VWA5B1: variants seen among roughly 807,000 people sequenced by gnomAD.
VWA5B1 encodes von Willebrand factor A domain containing 5B1.
Under a neutral mutation model 118.2 loss-of-function variants are expected in VWA5B1, and 115 were observed. The observed-to-expected ratio is 0.97, with a 90% CI of 0.84 to 1.14. The LOEUF (loss-of-function observed/expected upper bound fraction) is 1.14, where lower values mean the gene tolerates loss of function less well. VWA5B1 is among the 50% of genes most tolerant of loss of function. The pLI, the probability that VWA5B1 is intolerant of heterozygous loss-of-function variation, is 0.00. For missense variants in VWA5B1, 1,596 were observed against 1,603.8 expected, an observed-to-expected ratio of 1.00 and a Z score of 0.08; for synonymous variants, 682 against 658.4, an observed-to-expected ratio of 1.04 and a Z score of -0.55.
intron 8 of VWA5B1, 103 bp downstream of exon 8, chr1:20,323,635 C>T: frequency 1.6e-6 from 2 of 1,221,446 alleles, no homozygotes; most frequent in Non-Finnish European, 2.1e-6. Flanking sequence ...CAAGAAACAA[C>T]TTTTAAAAAT....
chr1:20,307,867 A>AT (rs140283307), intron 1 of VWA5B1, among the ~76,000 whole-genome samples: 2,073 of 145,356 alleles, frequency 0.014, 48 homozygotes, highest in African/African-American at 0.048. Context: ...ATGTGTGTGT[A>AT]TTTTTTTTAA....
intron 7 of VWA5B1, 128 bp downstream of exon 7, chr1:20,319,634 C>G: frequency 7.3e-6 from 10 of 1,376,942 alleles, no homozygotes; most frequent in Non-Finnish European, 9.8e-6. Flanking sequence ...GAGGCAGACA[C>G]CAGGCAAGAA....
At chr1:20,297,611 G>A (rs2100798820) in intron 1 of VWA5B1, among the ~76,000 whole-genome samples, 1 of 152,332 alleles carries the variant, frequency 6.6e-6, no homozygotes, top group East Asian at 1.9e-4. Flanking sequence ...TAGGAAATAG[G>A]GGAGAAAGGA....
chr1:20,342,522 CA>C lies in VWA5B1; in HGVS notation c.2225del (p.Gln742ArgfsTer16). 6.5e-7 allele frequency: 1 copy of C among 1,550,194 alleles called. No homozygotes were observed. The highest frequency in any genetic ancestry group is 1.2e-5 in the South Asian group (1 of 83,864). On this transcript the variant is annotated frameshift_variant, in exon 15 of 22. Coordinates refer to ENST00000289815, the MANE Select transcript of VWA5B1 (RefSeq NM_001039500.3). LOFTEE classifies it high-confidence loss of function. ...GCCCTCTCTGCTGCCCCAAGGCTGC[CA>C]GCCCTTCCTGCCCTGGGGCCAGGAG... is the stretch of plus-strand genomic sequence containing the variant. The part of the protein sequence containing the change: ...RRPSLLPQGC[Q>X]PFLPWGQETQ...
At chr1:20,302,502 T>C (rs1396328976) in intron 1 of VWA5B1, among the ~76,000 whole-genome samples, 1 of 152,094 alleles carries the variant, frequency 6.6e-6, no homozygotes, top group Non-Finnish European at 1.5e-5. Context: ...CTGCCTCAAG[T>C]TCTGGGGGCT....
rs1482874890 is a variant in VWA5B1 at position 20,355,194 on chromosome 1, G to A, written c.*931G>A. The stretch of plus-strand genomic sequence containing the variant: ...CCAAGTAGGTCGCACCATGGGATCA[G>A]GGGGTCCTCTGGAGCCATGCCACGC... On this transcript the variant is annotated 3_prime_UTR_variant, in exon 22 of 22. Transcript: ENST00000289815. Among the ~76,000 whole-genome samples the A allele has an allele frequency of 6.6e-6, 1 of 152,220 alleles. No homozygotes were observed. Among genetic ancestry groups the A allele is most frequent in the Non-Finnish European group, 1.5e-5 (1 of 68,034 alleles).
chr1:20,336,541 A>C (rs2089723612), intron 13 of VWA5B1, 55 bp downstream of exon 13: 1 of 1,291,620 alleles, frequency 7.7e-7, no homozygotes, highest in Non-Finnish European at 9.9e-7. Context: ...ACTATGTGCT[A>C]AGCACTTGGT....
At chr1:20,312,495 A>G (rs2088877795) in intron 2 of VWA5B1, among the ~76,000 whole-genome samples, 1 of 152,240 alleles carries the variant, frequency 6.6e-6, no homozygotes, top group Non-Finnish European at 1.5e-5. Flanking sequence ...CACAGGTGGC[A>G]AACCTGTGGC....
intron 12 of VWA5B1, among the ~76,000 whole-genome samples, chr1:20,334,583 G>A: frequency 6.6e-6 from 1 of 152,174 alleles, no homozygotes; most frequent in African/African-American, 2.4e-5. Context: ...GGCCGAGGCA[G>A]GTTGATCACC....
In VWA5B1 at chr1:20,355,616, G is replaced by A. The variant is rs558812388; in HGVS notation, c.*1353G>A. ...AGACTTCCCTCGTGGGAAGGCCTTG[G>A]AAGCTTAGCTTATCAAACCAACTCG... On this transcript the variant is annotated 3_prime_UTR_variant, in exon 22 of 22. Transcript: ENST00000289815. Among the ~76,000 whole-genome samples, 5 of 152,354 alleles carry A rather than the reference G, an allele frequency of 3.3e-5. No individual in the cohort carries two copies. The East Asian group carries it at 7.7e-4, about 24-fold the overall frequency.
intron 4 of VWA5B1, among the ~76,000 whole-genome samples, chr1:20,316,650 G>A (rs1461288814): frequency 6.6e-6 from 1 of 152,170 alleles, no homozygotes; most frequent in Non-Finnish European, 1.5e-5. Flanking sequence ...AGAGGGTCCC[G>A]AAACGTGAGT....
intron 1 of VWA5B1, among the ~76,000 whole-genome samples, chr1:20,301,773 C>T (rs1225963317): frequency 6.6e-6 from 1 of 152,198 alleles, no homozygotes; most frequent in Non-Finnish European, 1.5e-5. Flanking sequence ...GCTGGGTGAG[C>T]TCAACTTGCA....
Position 20,336,412 on chromosome 1 carries a change from A to T in VWA5B1, c.1868A>T (p.Asn623Ile). ...PGLEGGDCAK[N>I]SGAPFILGQA... The stretch of plus-strand genomic sequence containing the variant: ...CTGGAAGGTGGAGACTGTGCCAAGA[A>T]CTCGGGGGCACCCTTCATCCTAGGG... Residue 623 changes from asparagine (N) to isoleucine (I), a missense_variant, in exon 13 of 22, where the codon AAC (asparagine) becomes ATC (isoleucine). By Grantham distance (149) the Asn-to-Ile change is moderately radical. Coordinates refer to ENST00000289815, the MANE Select transcript of VWA5B1 (RefSeq NM_001039500.3). The T allele has an allele frequency of 6.6e-7, 1 of 1,522,764 alleles. No individual in the cohort carries two copies. The highest frequency in any genetic ancestry group is 8.8e-7 in the Non-Finnish European group (1 of 1,132,034). The allele number at this position is 1,522,764 out of a possible 1,614,324, so 94.3% of individuals were successfully genotyped here. A position where few individuals can be genotyped will look rare whatever the true frequency, so the allele number is the denominator to read the frequency against.
chr1:20,341,856 T>C (rs368514447), intron 14 of VWA5B1, among the ~76,000 whole-genome samples: 1 of 152,326 alleles, frequency 6.6e-6, no homozygotes. Context: ...CTGATTAAAC[T>C]GCCTGGATTC....
At chr1:20,301,855 G>A (rs890888651) in intron 1 of VWA5B1, among the ~76,000 whole-genome samples, 1 of 152,176 alleles carries the variant, frequency 6.6e-6, no homozygotes. Flanking sequence ...CGATGTGTGG[G>A]TGCATTTCTG....
At chr1:20,326,670 C>G (rs760336520) in intron 8 of VWA5B1, among the ~76,000 whole-genome samples, 4 of 151,992 alleles carry the variant, frequency 2.6e-5, no homozygotes, top group Non-Finnish European at 5.9e-5. Context: ...AGGCTGGTCT[C>G]GAACTCCTGA....
chr1:20,314,564 A>T lies in VWA5B1; in HGVS notation c.535A>T (p.Thr179Ser). Residue 179 changes from threonine (T) to serine (S), a missense_variant, in exon 4 of 22, where the codon ACT becomes TCT. Transcript: ENST00000289815. Reference sequence around the variant, plus strand: ...CGTGCCCCAGTTCTGCACCAAGAGCACTGGCACCTCCAACCAACAGGCCCA... The same window carrying T: ...CGTGCCCCAGTTCTGCACCAAGAGCTCTGGCACCTCCAACCAACAGGCCCA... The part of the protein sequence containing the change: ...PTVPQFCTKS[T>S]GTSNQQAQGK... The T allele has an allele frequency of 6.4e-7, 1 of 1,551,550 alleles. No homozygotes were observed. Among genetic ancestry groups the T allele is most frequent in the Non-Finnish European group, 8.7e-7 (1 of 1,146,992 alleles).
intron 1 of VWA5B1, among the ~76,000 whole-genome samples, chr1:20,291,930 C>CCCGCCG (rs1392767610): frequency 6.6e-6 from 1 of 152,184 alleles, no homozygotes; most frequent in Non-Finnish European, 1.5e-5. Context: ...ACCCCATGCT[C>CCCGCCG]CCGCCGCCGG....
intron 12 of VWA5B1, among the ~76,000 whole-genome samples, chr1:20,335,978 A>G (rs2089704505): frequency 6.6e-6 from 1 of 152,192 alleles, no homozygotes; most frequent in African/African-American, 2.4e-5. Flanking sequence ...GGGAGAATGG[A>G]ATGGAAGGAA....
Sources: allele counts gnomAD v4.1 joint callset (sites outside exome capture counted in the v4.1 genomes callset), GRCh38; gene constraint gnomAD v4.1.1; transcripts MANE v1.5; gene names NCBI Gene and HGNC (gene_info 2026-07-23, HGNC 2026-07-21).